Variants in C12orf54 observed in about 807,000 individuals in gnomAD.
The protein encoded by C12orf54 is uncharacterized protein C12orf54.
A neutral mutation model predicts 26.4 loss-of-function variants in C12orf54; 24 were observed. That is an observed-to-expected ratio of 0.91 (90% CI 0.66 to 1.28). C12orf54 has a LOEUF of 1.28. C12orf54 is among the 50% of genes most tolerant of loss of function. The pLI, the probability that C12orf54 is intolerant of heterozygous loss-of-function variation, is 0.00. For missense variants in C12orf54, 154 were observed against 150.9 expected, an observed-to-expected ratio of 1.02 and a Z score of -0.11; for synonymous variants, 54 against 47.0, an observed-to-expected ratio of 1.15 and a Z score of -0.61.
chr12:48,474,067 T>G, the C12orf54 span, among the ~76,000 whole-genome samples: 4 of 152,168 alleles, frequency 2.6e-5, no homozygotes, highest in African/African-American at 9.6e-5. Flanking sequence ...GTCTTGTGAG[T>G]TACAAGGAAA....
At chr12:48,491,587 C>T (rs1336570876) in intron 6 of C12orf54, among the ~76,000 whole-genome samples, 4 of 151,976 alleles carry the variant, frequency 2.6e-5, no homozygotes, top group Non-Finnish European at 5.9e-5. Context: ...ACAGCAAGTA[C>T]AGAAAAGGGG....
the C12orf54 span, among the ~76,000 whole-genome samples, chr12:48,463,314 G>GA: frequency 6.6e-6 from 1 of 151,848 alleles, no homozygotes; most frequent in Non-Finnish European, 1.5e-5. Flanking sequence ...ACATAAACTA[G>GA]AAAATCTAGA....
chr12:48,439,994 G>A, the C12orf54 span, among the ~76,000 whole-genome samples: 3 of 152,200 alleles, frequency 2.0e-5, no homozygotes, highest in Non-Finnish European at 4.4e-5. Context: ...GGAGGCTGAT[G>A]TGCGTGGATG....
At chr12:48,419,110 CCT>C in the C12orf54 span, among the ~76,000 whole-genome samples, 21 of 152,234 alleles carry the variant, frequency 1.4e-4, no homozygotes, top group East Asian at 3.5e-3. Context: ...TTCTTAATGT[CCT>C]CTCTTCTATC....
chr12:48,473,863 T>C, the C12orf54 span, among the ~76,000 whole-genome samples: 1 of 152,224 alleles, frequency 6.6e-6, no homozygotes, highest in Admixed American at 6.5e-5. Context: ...CACATGCTTT[T>C]CGCGGAACTG....
chr12:48,425,971 A>T, the C12orf54 span, among the ~76,000 whole-genome samples: 91 of 144,292 alleles, frequency 6.3e-4, no homozygotes, highest in African/African-American at 2.3e-3. Context: ...TTCCTTATAG[A>T]TGCTGAATAT....
At chr12:48,486,849 A>G in intron 4 of C12orf54, 123 bp downstream of exon 4, 1 of 929,624 alleles carries the variant, frequency 1.1e-6, no homozygotes, top group Non-Finnish European at 1.7e-6. Context: ...TGAAGGATCA[A>G]CACGCTCCCT....
chr12:48,464,197 G>C, the C12orf54 span, among the ~76,000 whole-genome samples: 1 of 151,920 alleles, frequency 6.6e-6, no homozygotes, highest in Non-Finnish European at 1.5e-5. Flanking sequence ...TGGCCCAAAA[G>C]CTCCTTCAGC....
At chr12:48,474,116 C>A in the C12orf54 span, among the ~76,000 whole-genome samples, 2 of 152,170 alleles carry the variant, frequency 1.3e-5, no homozygotes, top group Admixed American at 6.5e-5. Context: ...AAGAAACAAA[C>A]CCTCAAACTT....
At chr12:48,492,872 G>A in intron 6 of C12orf54, 75 bp from the exon 7 acceptor site, 1 of 1,326,864 alleles carries the variant, frequency 7.5e-7, no homozygotes, top group Non-Finnish European at 1.1e-6. Context: ...TTCAAATCAA[G>A]GATGTGAGCT....
At chr12:48,446,573 T>G in the C12orf54 span, among the ~76,000 whole-genome samples, 1 of 152,162 alleles carries the variant, frequency 6.6e-6, no homozygotes, top group Non-Finnish European at 1.5e-5. Context: ...CCATCCTGAT[T>G]AGAAAGCTCA....
At chr12:48,451,222 A>C in the C12orf54 span, among the ~76,000 whole-genome samples, 1 of 152,228 alleles carries the variant, frequency 6.6e-6, no homozygotes, top group Non-Finnish European at 1.5e-5. Context: ...AAGAGAATTA[A>C]GACAAAAACC....
chr12:48,478,425 G>C (rs1954166164), upstream of C12orf54, among the ~76,000 whole-genome samples: 1 of 152,160 alleles, frequency 6.6e-6, no homozygotes, highest in African/African-American at 2.4e-5. Context: ...AGGAAATAAA[G>C]GGTATCCAAT....
the C12orf54 span, chr12:48,472,628 C>A: frequency 6.2e-7 from 1 of 1,611,198 alleles, no homozygotes; most frequent in South Asian, 1.1e-5. Flanking sequence ...GGTTGAATTC[C>A]GCTGGCTCAG....
At chr12:48,413,695 C>T in the C12orf54 span, among the ~76,000 whole-genome samples, 1 of 152,136 alleles carries the variant, frequency 6.6e-6, no homozygotes, top group Non-Finnish European at 1.5e-5. Context: ...GGAATGAAAA[C>T]TTTTTTACAC....
At chr12:48,434,198 G>A in the C12orf54 span, among the ~76,000 whole-genome samples, 39 of 152,318 alleles carry the variant, frequency 2.6e-4, no homozygotes, top group South Asian at 6.2e-4. Context: ...GCAGCAAAGC[G>A]GCAGCGAGGC....
upstream of C12orf54, among the ~76,000 whole-genome samples, chr12:48,480,691 CA>C (rs1954189419): frequency 6.6e-6 from 1 of 152,156 alleles, no homozygotes; most frequent in Non-Finnish European, 1.5e-5. Context: ...TTTGACCCAT[CA>C]ATCTCATTAC....
the C12orf54 span, among the ~76,000 whole-genome samples, chr12:48,424,572 G>C: frequency 6.6e-6 from 1 of 152,164 alleles, no homozygotes; most frequent in African/African-American, 2.4e-5. Context: ...CAAGGATTTG[G>C]AGAGCAATTG....
At chr12:48,437,020 A>AG in the C12orf54 span, among the ~76,000 whole-genome samples, 1 of 42,418 alleles carries the variant, frequency 2.4e-5, no homozygotes, top group Non-Finnish European at 6.7e-5. Context: ...AAGACTAATA[A>AG]AGAAGAGAGA....
Sources: allele counts gnomAD v4.1 joint callset (sites outside exome capture counted in the v4.1 genomes callset), GRCh38; gene constraint gnomAD v4.1.1; transcripts MANE v1.5; gene names NCBI Gene and HGNC (gene_info 2026-07-23, HGNC 2026-07-21).